The following EPHA6 variants were observed in gnomAD, a reference collection of about 807,000 sequenced individuals.
The protein encoded by EPHA6 is ephrin type-A receptor 6.
A neutral mutation model predicts 112.0 loss-of-function variants in EPHA6; 50 were observed. The ratio of observed to expected loss-of-function variants is 0.45; its 90% confidence interval spans 0.36 to 0.56. The LOEUF is 0.56. Among genes scored for constraint, EPHA6 ranks in the 20% least tolerant of loss-of-function variants. The pLI is 0.00. For missense variants in EPHA6, 1,280 were observed against 1,417.4 expected (o/e 0.90, Z 1.56); for synonymous variants, 529 against 490.7 (o/e 1.08, Z -1.03).
At chr3:97,066,266 A>G (rs751792885) in intron 3 of EPHA6, among the ~76,000 whole-genome samples, 2 of 152,058 alleles carry the variant, frequency 1.3e-5, no homozygotes, top group Non-Finnish European at 2.9e-5. Context: ...TTCTATGCCT[A>G]TTTTCCTAAT....
At chr3:96,929,549 GC>G (rs2040209404) in intron 2 of EPHA6, among the ~76,000 whole-genome samples, 1 of 152,034 alleles carries the variant, frequency 6.6e-6, no homozygotes, top group African/African-American at 2.4e-5. Context: ...TTAAATATTG[GC>G]CCCCAGTCTC....
chr3:97,297,561 A>T (rs912589499), intron 5 of EPHA6, among the ~76,000 whole-genome samples: 36 of 152,268 alleles, frequency 2.4e-4, no homozygotes, highest in African/African-American at 8.4e-4. Flanking sequence ...TGTAGTATTA[A>T]TATGAAGGTC....
At chr3:97,740,224 A>G (rs772143048) in intron 16 of EPHA6, among the ~76,000 whole-genome samples, 2 of 152,024 alleles carry the variant, frequency 1.3e-5, no homozygotes, top group Non-Finnish European at 2.9e-5. Context: ...TACTCCACAC[A>G]TGGAAGTCTA....
At chr3:97,014,414 C>T (rs534668085) in intron 3 of EPHA6, among the ~76,000 whole-genome samples, 1 of 151,338 alleles carries the variant, frequency 6.6e-6, no homozygotes, top group South Asian at 2.1e-4. Context: ...CACCTCCTTC[C>T]TTCTTTCCCT....
chr3:96,851,437 A>G (rs2107372472), intron 1 of EPHA6, among the ~76,000 whole-genome samples: 1 of 152,298 alleles, frequency 6.6e-6, no homozygotes, highest in East Asian at 1.9e-4. Flanking sequence ...CAAGGCTACC[A>G]TCATTTCTCA....
intron 5 of EPHA6, among the ~76,000 whole-genome samples, chr3:97,285,402 C>G (rs1576845099): frequency 6.6e-6 from 1 of 152,044 alleles, no homozygotes; most frequent in East Asian, 1.9e-4. Flanking sequence ...ATCCTTTGCT[C>G]ACTATCATTC....
At chr3:96,855,302 G>A (rs958166241) in intron 1 of EPHA6, among the ~76,000 whole-genome samples, 3 of 152,046 alleles carry the variant, frequency 2.0e-5, no homozygotes, top group South Asian at 2.1e-4. Flanking sequence ...TTCCTTCTCC[G>A]TGTAACAGCA....
rs970039360 is a variant in EPHA6 at position 97,312,748 on chromosome 3, G to GT, written c.1606+68470dup. Among the ~76,000 whole-genome samples, 944 of 149,476 alleles carry GT rather than the reference G, an allele frequency of 6.3e-3. 6 individuals carry two copies. The highest frequency in any genetic ancestry group is 0.022 in the African/African-American group (879 of 40,874). On this transcript the variant is annotated intron_variant, in intron 5 of 17. Transcript: ENST00000389672. ...TGCATTTATTGATATAATTATACAA[G>GT]TTTTTTTTTCTCTAATATTCTGTGG...
intron 12 of EPHA6, among the ~76,000 whole-genome samples, chr3:97,598,308 A>G (rs1450840134): frequency 1.3e-5 from 2 of 151,544 alleles, no homozygotes; most frequent in African/African-American, 4.9e-5. Flanking sequence ...GTACATGTGC[A>G]CATTGTGCAG....
chr3:97,359,266 A>C (rs1406851499), intron 5 of EPHA6, among the ~76,000 whole-genome samples: 1 of 151,936 alleles, frequency 6.6e-6, no homozygotes, highest in Non-Finnish European at 1.5e-5. Flanking sequence ...TTTGTCCCTC[A>C]GACTTGATAA....
Position 97,378,559 on chromosome 3 carries a change from G to A in EPHA6, c.1607-26591G>A, listed in dbSNP as rs567163228. 4.6e-5 allele frequency among the ~76,000 whole-genome samples: 7 copies of A among 152,228 alleles called. No homozygotes were observed. In the East Asian group the frequency reaches 1.4e-3, roughly 30 times the overall value. Reference sequence around the variant, plus strand: ...GAAAAGCTGCAGACACTCAATGCCAGCCCATGAAAGCAGCCAGAAGGGAGA... The same window carrying A: ...GAAAAGCTGCAGACACTCAATGCCAACCCATGAAAGCAGCCAGAAGGGAGA... On this transcript the variant is annotated intron_variant, in intron 5 of 17. Coordinates refer to ENST00000389672, the MANE Select transcript of EPHA6 (RefSeq NM_001080448.3).
intron 2 of EPHA6, among the ~76,000 whole-genome samples, chr3:96,897,918 T>C (rs1229857270): frequency 2.6e-5 from 4 of 152,222 alleles, no homozygotes; most frequent in South Asian, 2.1e-4. Context: ...GTAGTCCTCA[T>C]TGGTGAACTA....
intron 3 of EPHA6, among the ~76,000 whole-genome samples, chr3:97,040,911 A>G (rs2045290171): frequency 6.6e-6 from 1 of 152,094 alleles, no homozygotes; most frequent in Admixed American, 6.6e-5. Flanking sequence ...AAGGGAATGT[A>G]ACACCAAAGG....
chr3:97,690,555 C>T (rs1434342677), intron 14 of EPHA6, among the ~76,000 whole-genome samples: 3 of 151,996 alleles, frequency 2.0e-5, no homozygotes, highest in African/African-American at 7.3e-5. Flanking sequence ...GCAACCTCCA[C>T]CTCCTGGGTT....
At chr3:97,423,071 G>T (rs975924254) in intron 6 of EPHA6, among the ~76,000 whole-genome samples, 1 of 152,184 alleles carries the variant, frequency 6.6e-6, no homozygotes, top group Non-Finnish European at 1.5e-5. Flanking sequence ...AAAGCTGGAA[G>T]CCTTTCCCTT....
chr3:96,893,296 TA>T (rs2038082856), intron 2 of EPHA6, among the ~76,000 whole-genome samples: 3 of 152,188 alleles, frequency 2.0e-5, no homozygotes. Flanking sequence ...TTTCTACTTA[TA>T]AAAAAGTTTA....
At chr3:97,041,090 T>C (rs2045296029) in intron 3 of EPHA6, among the ~76,000 whole-genome samples, 1 of 152,124 alleles carries the variant, frequency 6.6e-6, no homozygotes, top group African/African-American at 2.4e-5. Flanking sequence ...GTACTGTTTG[T>C]AGTTTTTGTT....
At chr3:96,978,797 T>C (rs1357292037) in intron 2 of EPHA6, among the ~76,000 whole-genome samples, 2 of 152,204 alleles carry the variant, frequency 1.3e-5, no homozygotes, top group African/African-American at 2.4e-5. Flanking sequence ...TCTATATTTC[T>C]TGGTTTATAT....
At chr3:97,576,809 A>G (rs1355074176) in intron 11 of EPHA6, among the ~76,000 whole-genome samples, 2 of 151,006 alleles carry the variant, frequency 1.3e-5, no homozygotes, top group African/African-American at 4.8e-5. Flanking sequence ...GGTAGAATGT[A>G]TAAGACAAAA....
Sources: gnomAD v4.1 joint callset for allele counts (sites outside exome capture counted in the v4.1 genomes callset) on GRCh38, gnomAD v4.1.1 for gene constraint, MANE v1.5 for transcripts, NCBI Gene and HGNC (gene_info 2026-07-23, HGNC 2026-07-21) for gene names.